The following FAM149A variants were observed in gnomAD, a reference collection of about 807,000 sequenced individuals.
FAM149A encodes family with sequence similarity 149 member A.
A neutral mutation model predicts 78.2 loss-of-function variants in FAM149A; 71 were observed. The observed-to-expected ratio is 0.91, with a 90% CI of 0.75 to 1.11. The LOEUF (loss-of-function observed/expected upper bound fraction) is 1.11. Ranked by LOEUF, FAM149A falls within the 50% of genes least tolerant of loss-of-function variation. The probability of loss-of-function intolerance (pLI) is 0.00; values close to 1 mark genes in which losing one functional copy is unlikely to be tolerated. For synonymous variants in FAM149A, 446 were observed against 410.5 expected, an observed-to-expected ratio of 1.09 and a Z score of -1.04; for missense variants, 1,036 against 971.0, an observed-to-expected ratio of 1.07 and a Z score of -0.89.
rs1283094492 is a variant in FAM149A, at chr4:186,105,232, G to A, written c.156G>A (p.Pro52=). Residue 52 remains proline (P), a synonymous_variant, in exon 1 of 14, where the codon CCG becomes CCA. Coordinates refer to ENST00000389354, the MANE Select transcript of FAM149A (RefSeq NM_001367768.3). ...CGGGCACCCCGTTGGGTACCGCCCC[G>A]ACCCTCCTCCGCGCCCTGGCTCCGG... The A allele has an allele frequency of 8.0e-7, 1 of 1,245,956 alleles. No homozygotes were observed. Among genetic ancestry groups the A allele is most frequent in the Non-Finnish European group, 1.0e-6 (1 of 970,842 alleles). 77.2% of individuals were successfully genotyped at this position (1,245,956 alleles called of 1,614,324 possible). A position where few individuals can be genotyped will look rare whatever the true frequency, so the allele number is the denominator to read the frequency against.
At chr4:186,130,977 G>C (rs1265837518) in intron 1 of FAM149A, among the ~76,000 whole-genome samples, 1 of 152,138 alleles carries the variant, frequency 6.6e-6, no homozygotes, top group East Asian at 1.9e-4. Context: ...AACTCCTAGT[G>C]TGTTGGTATT....
chr4:186,108,878 T>G (rs61574215), intron 1 of FAM149A, among the ~76,000 whole-genome samples: 4 of 151,322 alleles, frequency 2.6e-5, no homozygotes, highest in East Asian at 1.9e-4. Context: ...GACGGAGTCT[T>G]GCTCTGTCGC....
chr4:186,146,961 A>T (rs1733101092), intron 1 of FAM149A: 1 of 985,358 alleles, frequency 1.0e-6, no homozygotes, highest in Admixed American at 6.1e-5. Context: ...TTAGCTTAAA[A>T]GATGAATAAG....
chr4:186,128,065 A>G (rs1457956314), intron 1 of FAM149A, among the ~76,000 whole-genome samples: 1 of 121,880 alleles, frequency 8.2e-6, no homozygotes, highest in Non-Finnish European at 1.6e-5. Flanking sequence ...ATTTCAGCTC[A>G]CTGCAACCTC....
rs778622845 is a variant in FAM149A, at chr4:186,162,834, A to G, written c.1576-11A>G. On this transcript the variant is annotated splice_polypyrimidine_tract_variant and intron_variant, in intron 8 of 13. Transcript: ENST00000389354. ...TCTTTTTTTTTTTTTTTTTTTTTTT[A>G]CTGTTCTCAGATTCATCACTTCTCC... 11 of 444,650 alleles carry G rather than the reference A, an allele frequency of 2.5e-5. No individual in the cohort carries two copies. Among genetic ancestry groups the G allele is most frequent in the Admixed American group, 1.7e-4 (3 of 17,618 alleles). The allele number at this position is 444,650 out of a possible 1,614,324, so 27.5% of individuals were successfully genotyped here.
Position 186,151,962 on chromosome 4 carries a change from GT to G in FAM149A, c.851del (p.Leu284TyrfsTer6). On this transcript the variant is annotated frameshift_variant, in exon 4 of 14. Transcript: ENST00000389354. LOFTEE classifies it high-confidence loss of function. ...GGTTACTCTGGGAGGTGGAGGAAATGTTATTTGAAGGGAAAGTGAACCCTCA... is the reference window on the plus strand; with the variant it reads ...GGTTACTCTGGGAGGTGGAGGAAATGTATTTGAAGGGAAAGTGAACCCTCA... The G allele has an allele frequency of 6.2e-7, 1 of 1,614,198 alleles. No homozygotes were observed. Among genetic ancestry groups the G allele is most frequent in the Non-Finnish European group, 8.5e-7 (1 of 1,180,032 alleles).
intron 1 of FAM149A, among the ~76,000 whole-genome samples, chr4:186,140,011 G>C (rs2099325128): frequency 1.3e-5 from 2 of 152,124 alleles, no homozygotes; most frequent in Admixed American, 1.3e-4. Flanking sequence ...TTTAAATGCT[G>C]AAAAAAGGAA....
Position 186,149,693 on chromosome 4 carries a change from T to G in FAM149A, c.778T>G (p.Trp260Gly), listed in dbSNP as rs1388262408. ...CACGGAGAGGGGCTCCGTTTATTCC[T>G]GGAGAGATGACGTATGTCTCAGAAT... is the stretch of plus-strand genomic sequence containing the variant. Residue 260 changes from tryptophan (W) to glycine (G), a missense_variant, in exon 3 of 14, where the codon TGG becomes GGG. By Grantham distance (184) the Trp-to-Gly change is radical (BLOSUM62 -2). Around this residue, in one of 3 missense-constraint regions of FAM149A, gnomAD observed 716 missense variants for 711.8 expected, o/e 1.01. Coordinates refer to ENST00000389354, the MANE Select transcript of FAM149A (RefSeq NM_001367768.3). The G allele has an allele frequency of 1.0e-5, 13 of 1,283,688 alleles. No homozygotes were observed. In the East Asian group the frequency reaches 6.7e-4, roughly 66 times the overall value. 79.5% of individuals were successfully genotyped at this position (1,283,688 alleles called of 1,614,324 possible). A position where few individuals can be genotyped will look rare whatever the true frequency, so the allele number is the denominator to read the frequency against.
intron 1 of FAM149A, chr4:186,130,146 G>A (rs1169825974): frequency 6.6e-6 from 1 of 151,894 alleles, no homozygotes; most frequent in Non-Finnish European, 1.5e-5. Flanking sequence ...TTGAATGGAA[G>A]AGTATAGGAA....
In FAM149A at chr4:186,166,961, C is replaced by T; in HGVS notation, c.2011-7C>T. The T allele has an allele frequency of 6.2e-7, 1 of 1,610,414 alleles. No homozygotes were observed. The highest frequency in any genetic ancestry group is 8.5e-7 in the Non-Finnish European group (1 of 1,178,132). On this transcript the variant is annotated splice_region_variant and splice_polypyrimidine_tract_variant and intron_variant, in intron 11 of 13. Coordinates refer to ENST00000389354, the MANE Select transcript of FAM149A (RefSeq NM_001367768.3). ...TTTTAAACAAGAACATACTATCCTT[C>T]ATTTAGTACAGAGGAAGGCATCTAC...
At chr4:186,145,070 G>T in intron 1 of FAM149A, 10 of 985,090 alleles carry the variant, frequency 1.0e-5, no homozygotes, top group Non-Finnish European at 1.2e-5. Context: ...GCGGAGCCTG[G>T]CGCGGGGGCT....
intron 8 of FAM149A, among the ~76,000 whole-genome samples, chr4:186,159,460 G>A (rs1399110731): frequency 6.6e-6 from 1 of 152,064 alleles, no homozygotes; most frequent in African/African-American, 2.4e-5. Flanking sequence ...GACTGTGACT[G>A]GGCTGAGTTT....
intron 7 of FAM149A, among the ~76,000 whole-genome samples, chr4:186,157,262 G>A (rs1352591259): frequency 1.3e-5 from 2 of 152,172 alleles, no homozygotes; most frequent in African/African-American, 4.8e-5. Context: ...TGTACAATAA[G>A]GCAATAATCA....
intron 1 of FAM149A, among the ~76,000 whole-genome samples, chr4:186,134,821 T>C (rs2099322061): frequency 6.6e-6 from 1 of 152,170 alleles, no homozygotes; most frequent in Admixed American, 6.5e-5. Context: ...TCGCTTTTTC[T>C]TCTCTGGAAT....
intron 1 of FAM149A, chr4:186,116,755 T>C (rs1447800200): frequency 1.0e-6 from 1 of 982,060 alleles, no homozygotes; most frequent in Non-Finnish European, 1.2e-6. Context: ...TCTTGAAAAT[T>C]GTATTTGAGT....
intron 1 of FAM149A, among the ~76,000 whole-genome samples, chr4:186,120,584 G>C (rs1167166499): frequency 6.6e-6 from 1 of 151,628 alleles, no homozygotes; most frequent in Non-Finnish European, 1.5e-5. Context: ...ACGAGATTAG[G>C]AGTTTGAGAC....
intron 1 of FAM149A, chr4:186,110,411 T>C: frequency 2.6e-6 from 2 of 772,214 alleles, no homozygotes; most frequent in Non-Finnish European, 3.1e-6. Context: ...TTTTTTATTA[T>C]ACTTTAAGTT....
At position 186,162,954 on chromosome 4, in the gene FAM149A, T is replaced by A; in HGVS notation, c.1679+6T>A. 6.4e-7 allele frequency: 1 copy of A among 1,562,604 alleles called. No homozygotes were observed. The highest frequency in any genetic ancestry group is 8.8e-7 in the Non-Finnish European group (1 of 1,135,174). On this transcript the variant is annotated splice_donor_region_variant and intron_variant, in intron 9 of 13. Coordinates refer to ENST00000389354, the MANE Select transcript of FAM149A (RefSeq NM_001367768.3). ...TATTTTGCTGACAGAACGCAGTACG[T>A]ATCAGAATCAGTAGTAGTTACCCAG... is the stretch of plus-strand genomic sequence containing the variant.
At chr4:186,137,533 G>A (rs935181501) in intron 1 of FAM149A, among the ~76,000 whole-genome samples, 11 of 151,796 alleles carry the variant, frequency 7.2e-5, no homozygotes, top group South Asian at 2.1e-4. Flanking sequence ...ATGAAAATTC[G>A]GCAAATCCTA....
Sources: gnomAD v4.1 joint callset for allele counts (sites outside exome capture counted in the v4.1 genomes callset) on GRCh38, gnomAD v4.1.1 for gene constraint, gnomAD v4.1.1 regional missense constraint, MANE v1.5 for transcripts, NCBI Gene and HGNC (gene_info 2026-07-23, HGNC 2026-07-21) for gene names.